Variants in DDX10 observed in about 807,000 individuals in gnomAD.
DDX10 encodes the protein DEAD-box helicase 10.
Under a neutral mutation model 104.3 loss-of-function variants are expected in DDX10, and 74 were observed. That is an observed-to-expected ratio of 0.71 (90% CI 0.59 to 0.86). DDX10 has a LOEUF of 0.86. Among genes scored for constraint, DDX10 ranks in the 40% least tolerant of loss-of-function variants. DDX10 has a pLI of 0.00. For synonymous variants in DDX10, 351 were observed against 353.4 expected, an observed-to-expected ratio of 0.99 and a Z score of 0.08; for missense variants, 952 against 1,040.0, an observed-to-expected ratio of 0.92 and a Z score of 1.16.
chr11:108,685,678 G>T (rs1482856038), intron 6 of DDX10, among the ~76,000 whole-genome samples: 2 of 152,208 alleles, frequency 1.3e-5, no homozygotes, highest in African/African-American at 4.8e-5. Flanking sequence ...CTTTTTAAAA[G>T]AGTTCATGCT....
intron 17 of DDX10, chr11:108,919,572 T>C (rs1343987152): frequency 6.6e-6 from 1 of 152,204 alleles, no homozygotes; most frequent in Non-Finnish European, 1.5e-5. Context: ...ATACATGACT[T>C]TCAGTCATTG....
intron 13 of DDX10, among the ~76,000 whole-genome samples, chr11:108,732,965 C>A (rs554157279): frequency 1.3e-5 from 2 of 152,008 alleles, no homozygotes; most frequent in Non-Finnish European, 2.9e-5. Context: ...TGGGTAGATT[C>A]CATTTTAGCT....
intron 15 of DDX10, among the ~76,000 whole-genome samples, chr11:108,843,715 C>T (rs1184602892): frequency 6.6e-6 from 1 of 151,058 alleles, no homozygotes; most frequent in Non-Finnish European, 1.5e-5. Flanking sequence ...GAGGTCGTGC[C>T]ACTGCACTCC....
At chr11:108,921,713 A>G (rs949291320) in intron 17 of DDX10, 1 of 151,948 alleles carries the variant, frequency 6.6e-6, no homozygotes, top group Non-Finnish European at 1.5e-5. Context: ...TAATCCTAGC[A>G]CTTCAGGAGG....
intron 7 of DDX10, chr11:108,690,426 C>G (rs2094250635): frequency 1.3e-5 from 2 of 152,838 alleles, no homozygotes; most frequent in African/African-American, 4.8e-5. Context: ...CCAGTGCCTC[C>G]TGAGGTGGGG....
intron 10 of DDX10, among the ~76,000 whole-genome samples, chr11:108,711,088 C>G (rs1256397543): frequency 6.6e-6 from 1 of 152,076 alleles, no homozygotes; most frequent in African/African-American, 2.4e-5. Context: ...TATGAGACCA[C>G]TGTTGTATAT....
chr11:108,801,180 A>G (rs1862015827), intron 13 of DDX10, among the ~76,000 whole-genome samples: 1 of 152,208 alleles, frequency 6.6e-6, no homozygotes, highest in Non-Finnish European at 1.5e-5. Flanking sequence ...TTTTGTCAAG[A>G]AAATGCTTAA....
chr11:108,700,944 A>G (rs959000824), intron 9 of DDX10, among the ~76,000 whole-genome samples: 2 of 151,782 alleles, frequency 1.3e-5, no homozygotes, highest in African/African-American at 4.8e-5. Flanking sequence ...AACCCCATAA[A>G]TCCTTGTTCT....
At chr11:108,776,527 A>G (rs1432364097) in intron 13 of DDX10, among the ~76,000 whole-genome samples, 2 of 152,180 alleles carry the variant, frequency 1.3e-5, no homozygotes, top group Non-Finnish European at 2.9e-5. Context: ...GGTACAGTAC[A>G]TAGAATTCCA....
In DDX10 at chr11:108,693,521, C is replaced by T; in HGVS notation, c.1144C>T (p.Pro382Ser). ...TTCACATCCCTTCTCTGTAGATTTC[C>T]CGGCCGTGAATTGGGTTCTTCAGTT... ...TDIAARGLDFPAVNWVLQFDC... is the reference protein window; with the variant it reads ...TDIAARGLDFSAVNWVLQFDC... The change falls in exon 9 of 18, where the codon CCG (proline) becomes TCG (serine). Residue 382 changes from proline to serine, a missense_variant. Pro to Ser is a moderately conservative substitution (Grantham distance 74, BLOSUM62 -1). Transcript: ENST00000322536. The T allele has an allele frequency of 6.2e-7, 1 of 1,613,742 alleles. No individual in the cohort carries two copies. Among genetic ancestry groups the T allele is most frequent in the Non-Finnish European group, 8.5e-7 (1 of 1,179,716 alleles).
intron 16 of DDX10, among the ~76,000 whole-genome samples, chr11:108,912,386 A>G (rs1863691908): frequency 6.6e-6 from 1 of 151,776 alleles, no homozygotes; most frequent in African/African-American, 2.4e-5. Flanking sequence ...CTTCCTTAAT[A>G]TTTCTCATAC....
intron 13 of DDX10, among the ~76,000 whole-genome samples, chr11:108,824,477 C>T (rs993709666): frequency 1.3e-5 from 2 of 151,438 alleles, no homozygotes; most frequent in Non-Finnish European, 2.9e-5. Flanking sequence ...TATTTTTTTG[C>T]TATGTAGCAT....
At position 108,706,835 on chromosome 11, in the gene DDX10, C is replaced by G; in HGVS notation, c.1320C>G (p.Ile440Met). The G allele has an allele frequency of 3.1e-6, 5 of 1,611,778 alleles. No homozygotes were observed. The highest frequency in any genetic ancestry group is 4.2e-6 in the Non-Finnish European group (5 of 1,178,010). ...AGAAGAAAGTACCTGTGAAGGAAAT[C>G]AAGTAAGAGCTACTTGTTGTCTTTA... The part of the protein sequence containing the change: ...LLQKKVPVKE[I>M]KINPEKLIDV... Residue 440 changes from isoleucine (I) to methionine (M), a missense_variant and splice_region_variant, in exon 10 of 18, where the codon ATC becomes ATG. Ile to Met is a conservative substitution (Grantham distance 10). Around this residue, in one of 3 missense-constraint regions of DDX10, gnomAD observed 533 missense variants for 534.1 expected, o/e 1.00. Transcript: ENST00000322536.
intron 1 of DDX10, 42 bp downstream of exon 1, chr11:108,665,381 C>T (rs373133950): frequency 2.6e-5 from 40 of 1,510,444 alleles, no homozygotes; most frequent in Non-Finnish European, 3.5e-5. Context: ...CGGCCAGCAG[C>T]GGGGCAGCGT....
In DDX10 at chr11:108,709,748, C is replaced by T. The variant is rs2094281545; in HGVS notation, c.1322+2911C>T. Reference sequence around the variant, plus strand: ...CCAGCTCTTGGTTTAATTTTTTCCCCCCTATTGATTTCCTGTTTTCAATTT... The same window carrying T: ...CCAGCTCTTGGTTTAATTTTTTCCCTCCTATTGATTTCCTGTTTTCAATTT... On this transcript the variant is annotated intron_variant, in intron 10 of 17. Transcript: ENST00000322536. Among the ~76,000 whole-genome samples, 8 of 151,636 alleles carry T rather than the reference C, an allele frequency of 5.3e-5. No homozygotes were observed. In the South Asian group the frequency reaches 1.7e-3, roughly 32 times the overall value.
intron 13 of DDX10, among the ~76,000 whole-genome samples, chr11:108,763,403 G>A (rs1196077065): frequency 6.6e-6 from 1 of 151,982 alleles, no homozygotes; most frequent in South Asian, 2.1e-4. Flanking sequence ...TATCCAAAAG[G>A]TATTCTATTA....
intron 13 of DDX10, among the ~76,000 whole-genome samples, chr11:108,753,491 T>A (rs1179091604): frequency 6.6e-6 from 1 of 152,064 alleles, no homozygotes; most frequent in Non-Finnish European, 1.5e-5. Flanking sequence ...CAAAAAATTT[T>A]GATAAGCATT....
At chr11:108,693,254 A>C (rs935895689) in intron 8 of DDX10, among the ~76,000 whole-genome samples, 3 of 152,238 alleles carry the variant, frequency 2.0e-5, no homozygotes, top group East Asian at 3.8e-4. Flanking sequence ...TGTTTGTCCG[A>C]CACAAAGCAA....
chr11:108,895,926 C>A (rs537864333), intron 16 of DDX10, among the ~76,000 whole-genome samples: 1 of 152,196 alleles, frequency 6.6e-6, no homozygotes, highest in Non-Finnish European at 1.5e-5. Context: ...TTGAAATAAA[C>A]CATTTATGCC....
Sources: allele counts gnomAD v4.1 joint callset (sites outside exome capture counted in the v4.1 genomes callset), GRCh38; gene constraint gnomAD v4.1.1; regional missense constraint gnomAD v4.1.1; transcripts MANE v1.5; gene names NCBI Gene and HGNC (gene_info 2026-07-23, HGNC 2026-07-21).